The following DCDC2 variants were observed in gnomAD, a reference collection of about 807,000 sequenced individuals.
The protein encoded by DCDC2 is doublecortin domain-containing protein 2.
A neutral mutation model predicts 50.2 loss-of-function variants in DCDC2; 40 were observed. The observed-to-expected ratio is 0.80, with a 90% CI of 0.62 to 1.04. DCDC2 has a LOEUF of 1.04. Ranked by LOEUF, DCDC2 falls within the 50% of genes least tolerant of loss-of-function variation. The probability of loss-of-function intolerance (pLI) is 0.00; values close to 1 mark genes in which losing one functional copy is unlikely to be tolerated. For missense variants in DCDC2, 570 were observed against 581.9 expected, an observed-to-expected ratio of 0.98 and a Z score of 0.21; for synonymous variants, 234 against 210.6, an observed-to-expected ratio of 1.11 and a Z score of -0.96.
Position 24,357,836 on chromosome 6 carries a change from C to A in DCDC2, c.-86G>T. 1 of 1,599,716 alleles carries A rather than the reference C, an allele frequency of 6.3e-7. No individual in the cohort carries two copies. Reference sequence around the variant, plus strand: ...CAGCGGCCTCACCGCACCCAGGGCGCGGGATCGCCTCCTGAAACGAACGAG... The same window carrying A: ...CAGCGGCCTCACCGCACCCAGGGCGAGGGATCGCCTCCTGAAACGAACGAG... On this transcript the variant is annotated 5_prime_UTR_variant, in exon 1 of 10. Transcript: ENST00000378454.
chr6:24,280,449 T>G lies in DCDC2; in HGVS notation c.760-2238A>C, dbSNP rs566720596. 3.9e-5 allele frequency among the ~76,000 whole-genome samples: 6 copies of G among 151,934 alleles called. No individual in the cohort carries two copies. The East Asian group carries it at 1.2e-3, about 30-fold the overall frequency. On this transcript the variant is annotated intron_variant, in intron 6 of 9. Coordinates refer to ENST00000378454, the MANE Select transcript of DCDC2 (RefSeq NM_016356.5). Reference sequence around the variant, plus strand: ...CATAAACTGTCTGGCAGAAGAAATATACGATTATAGCAGAAGTTCCAAAAG... The same window carrying G: ...CATAAACTGTCTGGCAGAAGAAATAGACGATTATAGCAGAAGTTCCAAAAG...
intron 2 of DCDC2, among the ~76,000 whole-genome samples, chr6:24,337,306 AT>A (rs1394530103): frequency 2.0e-5 from 3 of 152,132 alleles, no homozygotes; most frequent in Non-Finnish European, 2.9e-5. Flanking sequence ...ATGTAAAAAT[AT>A]TTCTGGTTTC....
chr6:24,249,385 C>T (rs886690629), intron 7 of DCDC2, among the ~76,000 whole-genome samples: 4 of 152,284 alleles, frequency 2.6e-5, no homozygotes, highest in African/African-American at 4.8e-5. Context: ...TTCACTGATA[C>T]CTTTTTAAAA....
chr6:24,265,076 A>G (rs1763090482), intron 7 of DCDC2, among the ~76,000 whole-genome samples: 2 of 152,098 alleles, frequency 1.3e-5, no homozygotes, highest in South Asian at 4.1e-4. Context: ...CAAGGTGGGC[A>G]GATCACTTGA....
chr6:24,331,167 T>G lies in DCDC2; in HGVS notation c.348+22402A>C, dbSNP rs188872453. The stretch of plus-strand genomic sequence containing the variant: ...ACTGGAAGACGGGAAGAGAATTCCC[T>G]CTGGTAACAATGTATAATTCCCATA... On this transcript the variant is annotated intron_variant, in intron 2 of 9. Transcript: ENST00000378454. 3.9e-5 allele frequency among the ~76,000 whole-genome samples: 6 copies of G among 152,316 alleles called. No homozygotes were observed. The East Asian group carries it at 1.2e-3, about 29-fold the overall frequency.
chr6:24,222,561 T>C (rs1432716515), intron 7 of DCDC2, among the ~76,000 whole-genome samples: 1 of 152,246 alleles, frequency 6.6e-6, no homozygotes, highest in Admixed American at 6.5e-5. Context: ...GATATGGGTA[T>C]AACATGCACT....
chr6:24,183,479 AG>A (rs1761128126), intron 8 of DCDC2, among the ~76,000 whole-genome samples: 1 of 152,164 alleles, frequency 6.6e-6, no homozygotes, highest in Non-Finnish European at 1.5e-5. Flanking sequence ...GGGACTTCCA[AG>A]GGGGAAGAAG....
chr6:24,244,866 C>T (rs1762637888), intron 7 of DCDC2, among the ~76,000 whole-genome samples: 1 of 152,196 alleles, frequency 6.6e-6, no homozygotes, highest in African/African-American at 2.4e-5. Flanking sequence ...TCTCCTGCTA[C>T]AAATACCCAG....
intron 7 of DCDC2, among the ~76,000 whole-genome samples, chr6:24,208,228 C>G (rs916586803): frequency 1.3e-5 from 2 of 152,160 alleles, no homozygotes; most frequent in Non-Finnish European, 2.9e-5. Context: ...TACCCTGTCC[C>G]TGGGTGGTGG....
chr6:24,273,869 T>G (rs550340023), intron 7 of DCDC2, among the ~76,000 whole-genome samples: 73 of 152,272 alleles, frequency 4.8e-4, no homozygotes, highest in African/African-American at 1.7e-3. Context: ...GGTCATAATA[T>G]TCAGACATCC....
At chr6:24,218,381 T>C (rs1762025309) in intron 7 of DCDC2, among the ~76,000 whole-genome samples, 1 of 152,232 alleles carries the variant, frequency 6.6e-6, no homozygotes, top group African/African-American at 2.4e-5. Flanking sequence ...ATCCACCAGA[T>C]TCTGTGTTCT....
intron 8 of DCDC2, among the ~76,000 whole-genome samples, chr6:24,182,629 GAAA>G (rs71002473): frequency 1.9e-5 from 2 of 105,942 alleles, no homozygotes; most frequent in East Asian, 3.3e-4. Flanking sequence ...ATGATGACAA[GAAA>G]AAAAAAAAAA....
At chr6:24,366,037 C>T in the DCDC2 span, among the ~76,000 whole-genome samples, 1 of 152,092 alleles carries the variant, frequency 6.6e-6, no homozygotes. Flanking sequence ...AGGCTGGTCT[C>T]AAACTCCTGA....
chr6:24,298,369 G>A (rs561218176), intron 4 of DCDC2, among the ~76,000 whole-genome samples: 65 of 152,298 alleles, frequency 4.3e-4, no homozygotes, highest in Admixed American at 2.4e-3. Flanking sequence ...TAAGATAAAC[G>A]TGCAAAGGCC....
intron 7 of DCDC2, among the ~76,000 whole-genome samples, chr6:24,231,151 T>C (rs752141060): frequency 2.0e-5 from 3 of 152,210 alleles, no homozygotes; most frequent in Non-Finnish European, 4.4e-5. Flanking sequence ...CCAGGTCCCT[T>C]TCCTCCCACA....
At chr6:24,267,899 T>C (rs947278360) in intron 7 of DCDC2, among the ~76,000 whole-genome samples, 2 of 152,116 alleles carry the variant, frequency 1.3e-5, no homozygotes, top group South Asian at 2.1e-4. Context: ...CAAAAAGATG[T>C]CTGACTTAAT....
At chr6:24,331,170 G>A (rs1313140495) in intron 2 of DCDC2, among the ~76,000 whole-genome samples, 1 of 152,034 alleles carries the variant, frequency 6.6e-6, no homozygotes, top group Non-Finnish European at 1.5e-5. Context: ...AATTCCCTCT[G>A]GTAACAATGT....
chr6:24,287,123 A>G (rs1027134900), intron 6 of DCDC2, among the ~76,000 whole-genome samples: 10 of 152,186 alleles, frequency 6.6e-5, no homozygotes, highest in Non-Finnish European at 1.5e-4. Context: ...GACAAACACT[A>G]GACTCTTCAT....
intron 7 of DCDC2, among the ~76,000 whole-genome samples, chr6:24,209,998 C>G (rs899285567): frequency 6.7e-6 from 1 of 149,354 alleles, no homozygotes; most frequent in African/African-American, 2.5e-5. Context: ...CTTTTAGCAG[C>G]TTTTAATGCA....
Sources: gnomAD v4.1 joint callset for allele counts (sites outside exome capture counted in the v4.1 genomes callset) on GRCh38, gnomAD v4.1.1 for gene constraint, MANE v1.5 for transcripts, NCBI Gene and HGNC (gene_info 2026-07-23, HGNC 2026-07-21) for gene names.